Variants in DYDC1 observed in about 807,000 individuals in gnomAD.
DYDC1 encodes the protein DPY30 domain containing 1, also known as DPY30 domain-containing protein 1.
Under a neutral mutation model 27.9 loss-of-function variants are expected in DYDC1, and 21 were observed. The observed-to-expected ratio is 0.75, with a 90% CI of 0.53 to 1.08. The LOEUF is 1.08. Among genes scored for constraint, DYDC1 ranks in the 50% least tolerant of loss-of-function variants. The pLI is 0.00. For missense variants in DYDC1, 202 were observed against 205.9 expected, an observed-to-expected ratio of 0.98 and a Z score of 0.12; for synonymous variants, 67 against 65.8, an observed-to-expected ratio of 1.02 and a Z score of -0.09.
intron 1 of DYDC1, among the ~76,000 whole-genome samples, chr10:80,355,698 C>T (rs1843323283): frequency 6.6e-6 from 1 of 152,028 alleles, no homozygotes; most frequent in Admixed American, 6.5e-5. Flanking sequence ...AAACGAGGTG[C>T]TGAAATTGTA....
chr10:80,352,684 G>T, intron 1 of DYDC1, 74 bp from the exon 2 acceptor site: 1 of 1,485,428 alleles, frequency 6.7e-7, no homozygotes, highest in Non-Finnish European at 8.9e-7. Flanking sequence ...GTCCAGTGAG[G>T]TGAACAAAGC....
intron 1 of DYDC1, among the ~76,000 whole-genome samples, chr10:80,353,298 G>T (rs1029221363): frequency 1.3e-5 from 2 of 151,720 alleles, no homozygotes; most frequent in African/African-American, 4.8e-5. Context: ...GCACACCCTG[G>T]GCTCTAATTC....
intron 1 of DYDC1, among the ~76,000 whole-genome samples, chr10:80,353,435 T>C (rs892776080): frequency 6.6e-6 from 1 of 150,674 alleles, no homozygotes; most frequent in Admixed American, 6.6e-5. Flanking sequence ...GTGCTGGGAT[T>C]ACAGGCGTGA....
chr10:80,343,954 A>T (rs1842459016), intron 3 of DYDC1, among the ~76,000 whole-genome samples: 1 of 152,102 alleles, frequency 6.6e-6, no homozygotes, highest in African/African-American at 2.4e-5. Context: ...TGTCTCTACT[A>T]AAAATACCAA....
intron 3 of DYDC1, 43 bp downstream of exon 3, chr10:80,351,858 A>C (rs1274322353): frequency 3.2e-6 from 5 of 1,576,578 alleles, no homozygotes; most frequent in Middle Eastern, 1.7e-4. Context: ...TGAGGTTGGC[A>C]TCGTTAATTC....
At chr10:80,356,691 G>A in intron 1 of DYDC1, 21 bp downstream of exon 1, 2 of 984,106 alleles carry the variant, frequency 2.0e-6, no homozygotes, top group Non-Finnish European at 2.4e-6. Flanking sequence ...AAAACAGTTC[G>A]GGCCTTTCCG....
chr10:80,355,397 T>C lies in DYDC1; in HGVS notation c.-10+1315A>G, dbSNP rs151017764. Among the ~76,000 whole-genome samples, 9 of 152,056 alleles carry C rather than the reference T, an allele frequency of 5.9e-5. 1 individual carries two copies. In the East Asian group the frequency reaches 1.6e-3, roughly 27 times the overall value. ...ATATGACAGTGGTGGGAGGGCAAAA[T>C]GGTATAACTCCTATGGAGGAGAATT... On this transcript the variant is annotated intron_variant, in intron 1 of 6. Transcript: ENST00000372202.
rs1020572178 is a variant in DYDC1, at chr10:80,354,127, A to T, written c.-9-1517T>A. Among the ~76,000 whole-genome samples the T allele has an allele frequency of 2.5e-3, 369 of 146,058 alleles. 2 individuals are homozygous for T. The highest frequency in any genetic ancestry group is 3.1e-3 in the South Asian group (14 of 4,568). On this transcript the variant is annotated intron_variant, in intron 1 of 6. Transcript: ENST00000372202. ...TGAGACTCTGTCTCATATATAAAAA[A>T]AAATATATATATATATATTTTTTCC...
chr10:80,355,405 C>T (rs1235549177), intron 1 of DYDC1, among the ~76,000 whole-genome samples: 6 of 152,172 alleles, frequency 3.9e-5, no homozygotes, highest in Admixed American at 3.9e-4. Context: ...AATGGTATAA[C>T]TCCTATGGAG....
At chr10:80,341,442 CAAAAAAA>C (rs58419721) in intron 4 of DYDC1, among the ~76,000 whole-genome samples, 1 of 46,802 alleles carries the variant, frequency 2.1e-5, no homozygotes, top group Non-Finnish European at 4.2e-5. Context: ...GACTCTGTCT[CAAAAAAA>C]AAAAAAAAAA....
intron 6 of DYDC1, chr10:80,337,568 T>G: frequency 2.4e-6 from 1 of 415,530 alleles, no homozygotes; most frequent in South Asian, 1.0e-4. Flanking sequence ...CAGGATAAAA[T>G]CTAAGCCTCT....
At chr10:80,350,929 C>T (rs1200818157) in intron 3 of DYDC1, among the ~76,000 whole-genome samples, 2 of 152,202 alleles carry the variant, frequency 1.3e-5, no homozygotes, top group Admixed American at 1.3e-4. Flanking sequence ...AATCCTGCTT[C>T]AATTAAAAGG....
chr10:80,353,179 G>A (rs2132842887), intron 1 of DYDC1, among the ~76,000 whole-genome samples: 1 of 151,720 alleles, frequency 6.6e-6, no homozygotes, highest in East Asian at 1.9e-4. Flanking sequence ...AATTTCCAAG[G>A]CCAAAGAATA....
intron 4 of DYDC1, among the ~76,000 whole-genome samples, chr10:80,339,414 C>A (rs1167419251): frequency 6.6e-6 from 1 of 152,010 alleles, no homozygotes; most frequent in Non-Finnish European, 1.5e-5. Context: ...CTGAAACAGT[C>A]AAACTGAAGC....
intron 3 of DYDC1, among the ~76,000 whole-genome samples, chr10:80,345,448 T>A: frequency 6.6e-6 from 1 of 152,292 alleles, no homozygotes; most frequent in Admixed American, 6.5e-5. Context: ...AAATCTACTC[T>A]CTTAAAAATT....
chr10:80,337,317 A>G (rs1298609625), intron 6 of DYDC1: 1 of 985,478 alleles, frequency 1.0e-6, no homozygotes, highest in East Asian at 1.1e-4. Context: ...AGCTCCCTGC[A>G]TAGTGCCAAA....
At chr10:80,351,842 C>A in intron 3 of DYDC1, 59 bp downstream of exon 3, 1 of 1,490,592 alleles carries the variant, frequency 6.7e-7, no homozygotes, top group African/African-American at 1.4e-5. Flanking sequence ...TTAGGCTGTG[C>A]CATGCTGAGG....
intron 3 of DYDC1, among the ~76,000 whole-genome samples, chr10:80,348,487 C>G (rs1452809216): frequency 2.6e-5 from 4 of 152,214 alleles, no homozygotes; most frequent in Admixed American, 2.6e-4. Context: ...CGTAAAGCTG[C>G]TTTATACACG....
chr10:80,354,486 CAAAAAAAAAAA>C (rs1012219418), intron 1 of DYDC1: 4 of 69,302 alleles, frequency 5.8e-5, no homozygotes, highest in African/African-American at 1.7e-4. Flanking sequence ...AACTTCGTCT[CAAAAAAAAAAA>C]AAAAAAAAAG....
Sources: allele counts gnomAD v4.1 joint callset (sites outside exome capture counted in the v4.1 genomes callset), GRCh38; gene constraint gnomAD v4.1.1; transcripts MANE v1.5; gene names NCBI Gene and HGNC (gene_info 2026-07-23, HGNC 2026-07-21).